RRP12: variants seen among roughly 807,000 people sequenced by gnomAD.
RRP12 encodes the protein ribosomal RNA processing 12 homolog, also known as RRP12-like protein.
A neutral mutation model predicts 157.3 loss-of-function variants in RRP12; 78 were observed. The observed-to-expected ratio is 0.50, with a 90% CI of 0.41 to 0.60. The LOEUF (loss-of-function observed/expected upper bound fraction) is 0.60. Among genes scored for constraint, RRP12 ranks in the 20% least tolerant of loss-of-function variants. RRP12 has a pLI of 0.00. For missense variants in RRP12, 1,521 were observed against 1,679.9 expected, an observed-to-expected ratio of 0.91 and a Z score of 1.65; for synonymous variants, 726 against 670.9, an observed-to-expected ratio of 1.08 and a Z score of -1.27.
chr10:97,385,373 G>C (rs747008065), intron 9 of RRP12, 116 bp from the exon 10 acceptor site: 6 of 784,348 alleles, frequency 7.6e-6, no homozygotes, highest in Non-Finnish European at 1.3e-5. Flanking sequence ...TGTGACCCTA[G>C]CACTCACAGC....
Position 97,401,093 on chromosome 10 carries a change from C to A in RRP12, c.139G>T (p.Gly47Ter). 6.2e-7 allele frequency: 1 copy of A among 1,613,136 alleles called. No homozygotes were observed. The highest frequency in any genetic ancestry group is 8.5e-7 in the Non-Finnish European group (1 of 1,179,622). ...TGCGCTCGGGTCTCAACCCAGCTAC[C>A]TGACGGCCGGCTGAAGAAGCGGCTG... ...ARSRFFSRPS[G>*]RSDLTVDAVK... is the part of the protein sequence containing the mutation. Residue 47 changes from glycine to a stop codon, truncating the protein, a stop_gained and splice_region_variant, in exon 1 of 34, where the codon GGA becomes TGA. Coordinates refer to ENST00000370992, the MANE Select transcript of RRP12 (RefSeq NM_015179.4). LOFTEE classifies it high-confidence loss of function.
intron 28 of RRP12, 36 bp from the exon 29 acceptor site, chr10:97,366,269 C>T: frequency 1.2e-6 from 2 of 1,607,146 alleles, no homozygotes; most frequent in Admixed American, 1.7e-5. Flanking sequence ...AGGTGGAAGG[C>T]CAGTCCCATG....
intron 4 of RRP12, 128 bp downstream of exon 4, chr10:97,393,556 C>A: frequency 1.2e-6 from 1 of 804,930 alleles, no homozygotes; most frequent in African/African-American, 1.7e-5. Flanking sequence ...TTCTGCATGC[C>A]TCTAGACAAT....
Position 97,373,644 on chromosome 10 carries a change from C to T in RRP12, c.1957G>A (p.Glu653Lys), listed in dbSNP as rs972937754. ...LARTLGMAISERPDLRVTVCQ... is the reference protein window; with the variant it reads ...LARTLGMAISKRPDLRVTVCQ... ...ACGGTGACCCTCAGGTCTGGACGCTCGCTGATGGCCATGCCCAGCGTCCGT... is the reference window on the plus strand; with the variant it reads ...ACGGTGACCCTCAGGTCTGGACGCTTGCTGATGGCCATGCCCAGCGTCCGT... The change falls in exon 17 of 34, where the codon GAG becomes AAG. Residue 653 changes from glutamate to lysine, a missense_variant. Glu to Lys is a moderately conservative substitution (Grantham distance 56). Coordinates refer to ENST00000370992, the MANE Select transcript of RRP12 (RefSeq NM_015179.4). 6.8e-6 allele frequency: 11 copies of T among 1,613,618 alleles called. No individual in the cohort carries two copies. The highest frequency in any genetic ancestry group is 4.0e-5 in the African/African-American group (3 of 74,932).
At chr10:97,396,428 T>C (rs1206911870) in intron 2 of RRP12, 127 bp from the exon 3 acceptor site, 6 of 741,790 alleles carry the variant, frequency 8.1e-6, no homozygotes, top group African/African-American at 6.9e-5. Context: ...ACAGGCAACA[T>C]TCAGGGCCTA....
chr10:97,365,924 C>T lies in RRP12; in HGVS notation c.3517+184G>A. The T allele has an allele frequency of 4.1e-6, 3 of 738,574 alleles. No individual in the cohort carries two copies. The South Asian group carries it at 5.0e-5, about 12-fold the overall frequency. 45.8% of individuals were successfully genotyped at this position (738,574 alleles called of 1,614,324 possible). On this transcript the variant is annotated intron_variant, in intron 29 of 33. Transcript: ENST00000370992. ...AGTTAAATATGTATTGTATAAATGG[C>T]TCGGTTACAACATAAAAAGATTTCT...
intron 3 of RRP12, among the ~76,000 whole-genome samples, chr10:97,395,533 C>T (rs370549221): frequency 2.4e-3 from 345 of 144,964 alleles, no homozygotes; most frequent in African/African-American, 8.6e-3. Context: ...ACTTGGGCAA[C>T]GGAGTGAGAC....
intron 10 of RRP12, among the ~76,000 whole-genome samples, chr10:97,384,079 C>T (rs542944564): frequency 1.8e-4 from 27 of 152,292 alleles, no homozygotes; most frequent in Admixed American, 7.2e-4. Flanking sequence ...CCTCCACCTC[C>T]GGCAGCCAGG....
At position 97,358,942 on chromosome 10, in the gene RRP12, C is replaced by G; in HGVS notation, c.3708+1G>C. The G allele has an allele frequency of 9.3e-6, 15 of 1,613,092 alleles. No individual in the cohort carries two copies. The highest frequency in any genetic ancestry group is 1.3e-5 in the Non-Finnish European group (15 of 1,179,242). ...CCCCATGCCCTACATGCAGCACTTA[C>G]CTTGGCCTTGTATTCAGCCCCAGGC... On this transcript the variant is annotated splice_donor_variant, in intron 32 of 33. Coordinates refer to ENST00000370992, the MANE Select transcript of RRP12 (RefSeq NM_015179.4). LOFTEE classifies it high-confidence loss of function.
In RRP12 at chr10:97,370,551, A is replaced by G. The variant is rs763776602; in HGVS notation, c.2593T>C (p.Cys865Arg). 1 of 1,608,762 alleles carries G rather than the reference A, an allele frequency of 6.2e-7. No homozygotes were observed. Among genetic ancestry groups the G allele is most frequent in the Non-Finnish European group, 8.5e-7 (1 of 1,178,094 alleles). Residue 865 changes from cysteine (C) to arginine (R), a missense_variant, in exon 23 of 34, where the codon TGC (cysteine) becomes CGC (arginine). Physicochemically the swap from Cys to Arg is radical, Grantham distance 180. Transcript: ENST00000370992. ...GCGCCCACCGACACCTCCTTGGTGC[A>G]CAGGATCACCTGGCCAAGACAACTC... ...ITALIPEVIL[C>R]TKEVSVGARK...
At chr10:97,358,193 C>T (rs1360729548) in intron 33 of RRP12, among the ~76,000 whole-genome samples, 2 of 150,876 alleles carry the variant, frequency 1.3e-5, no homozygotes, top group African/African-American at 4.9e-5. Flanking sequence ...ATTAGCTGGG[C>T]ATGGTGGCAC....
chr10:97,381,052 GAACT>G (rs1844453838), intron 12 of RRP12, 139 bp from the exon 13 acceptor site: 3 of 639,306 alleles, frequency 4.7e-6, no homozygotes, highest in Non-Finnish European at 8.3e-6. Context: ...CAACAGAAGA[GAACT>G]AACATTTGTG....
intron 19 of RRP12, 119 bp downstream of exon 19, chr10:97,372,617 A>G (rs1844187885): frequency 1.2e-6 from 1 of 817,232 alleles, no homozygotes; most frequent in Non-Finnish European, 2.1e-6. Flanking sequence ...CAGCCTGGAG[A>G]GTTAATACTT....
At chr10:97,373,917 A>T (rs1564755663) in intron 15 of RRP12, 23 bp from the exon 16 acceptor site, 1 of 1,609,284 alleles carries the variant, frequency 6.2e-7, no homozygotes, top group African/African-American at 1.3e-5. Flanking sequence ...AGAGGGACAG[A>T]GTGTGAGCCC....
chr10:97,360,649 G>C, intron 30 of RRP12, 31 bp from the exon 31 acceptor site: 1 of 1,560,394 alleles, frequency 6.4e-7, no homozygotes, highest in Non-Finnish European at 8.8e-7. Context: ...GGTAGTGAGT[G>C]AACCAGGGGA....
intron 3 of RRP12, 59 bp downstream of exon 3, chr10:97,396,159 C>T (rs568827372): frequency 2.1e-5 from 26 of 1,231,434 alleles, no homozygotes; most frequent in South Asian, 1.1e-4. Flanking sequence ...CTCATCTTCT[C>T]GCTAAATCTT....
At chr10:97,369,923 G>A (rs1844094684) in intron 24 of RRP12, among the ~76,000 whole-genome samples, 1 of 152,240 alleles carries the variant, frequency 6.6e-6, no homozygotes, top group Admixed American at 6.5e-5. Flanking sequence ...ACAATGGGAT[G>A]CAGGGCCACT....
rs1401095164 is a variant in RRP12 at position 97,388,606 on chromosome 10, GC to G, written c.771del (p.Gln257HisfsTer52). The G allele has an allele frequency of 1.9e-6, 3 of 1,614,054 alleles. No homozygotes were observed. Among genetic ancestry groups the G allele is most frequent in the Non-Finnish European group, 2.5e-6 (3 of 1,180,020 alleles). On this transcript the variant is annotated frameshift_variant, in exon 7 of 34. Transcript: ENST00000370992. LOFTEE classifies it high-confidence loss of function. ...HPKPKIRKAAQHGVCSVLKGS... is the reference protein window; with the variant it reads ...HPKPKIRKAAXHGVCSVLKGS... ...CCCTTGAGGACTGAGCATACTCCAT[GC>G]TGGGCAGCCTTCCGGATCTGAGGGG...
At chr10:97,383,008 C>A (rs530661213) in intron 10 of RRP12, among the ~76,000 whole-genome samples, 1 of 152,306 alleles carries the variant, frequency 6.6e-6, no homozygotes, top group Admixed American at 6.5e-5. Context: ...GTGATCTGCC[C>A]ATCTCGGTCT....
Sources: allele counts gnomAD v4.1 joint callset (sites outside exome capture counted in the v4.1 genomes callset), GRCh38; gene constraint gnomAD v4.1.1; transcripts MANE v1.5; gene names NCBI Gene and HGNC (gene_info 2026-07-23, HGNC 2026-07-21).